The following TUBGCP4 variants were observed in gnomAD, a reference collection of about 807,000 sequenced individuals.
TUBGCP4 encodes gamma-tubulin complex component 4.
TUBGCP4 carries 54 observed loss-of-function variants against 91.6 expected under a neutral mutation model. That is an observed-to-expected ratio of 0.59 (90% CI 0.47 to 0.74). TUBGCP4 has a LOEUF of 0.74. Ranked by LOEUF, TUBGCP4 falls within the 30% of genes least tolerant of loss-of-function variation. The probability of loss-of-function intolerance (pLI) is 0.00; values close to 1 mark genes in which losing one functional copy is unlikely to be tolerated. For missense variants in TUBGCP4, 593 were observed against 800.9 expected (o/e 0.74, Z 3.13); for synonymous variants, 297 against 302.8 (o/e 0.98, Z 0.20).
At position 43,376,103 on chromosome 15, in the gene TUBGCP4, G is replaced by A. The variant is rs755825530; in HGVS notation, c.84G>A (p.Ser28=). ...TWNKRSGLQV[S]QDFPFLHPSE... is the part of the protein sequence containing the mutation. Reference sequence around the variant, plus strand: ...CAGTGTTCCTCTTCCTGCAGGTATCGCAGGACTTCCCTTTCCTCCACCCCA... The same window carrying A: ...CAGTGTTCCTCTTCCTGCAGGTATCACAGGACTTCCCTTTCCTCCACCCCA... Residue 28 remains serine, a synonymous_variant, in exon 2 of 18, where the codon TCG becomes TCA. Transcript: ENST00000564079. 1.9e-6 allele frequency: 3 copies of A among 1,613,714 alleles called. No homozygotes were observed. The highest frequency in any genetic ancestry group is 1.6e-4 in the Middle Eastern group (1 of 6,084).
chr15:43,398,178 AAGTG>A lies in TUBGCP4; in HGVS notation c.1418+3_1418+6del, dbSNP rs1407078480. 1 of 1,609,632 alleles carries A rather than the reference AAGTG, an allele frequency of 6.2e-7. No homozygotes were observed. The highest frequency in any genetic ancestry group is 1.1e-5 in the South Asian group (1 of 90,530). ...TCTCTTCACCCCAGCTGTCCTGGAA[AAGTG>A]AGTATTTCTGAGTTTCTCACAGGTA... On this transcript the variant is annotated splice_donor_variant and splice_donor_region_variant and coding_sequence_variant and intron_variant, in exon 13 of 18. Coordinates refer to ENST00000564079, the MANE Select transcript of TUBGCP4 (RefSeq NM_014444.5). LOFTEE classifies it high-confidence loss of function.
At position 43,409,704 on chromosome 15, in the gene TUBGCP4, T is replaced by C. The variant is rs1595517639; in HGVS notation, c.*4490T>C. 6.4e-7 allele frequency: 1 copy of C among 1,574,120 alleles called. No homozygotes were observed. ...CAGCTCCTGCTCGAAGCTGGGATTC[T>C]GTATACTGCTTGTTGAAAGGAGGAA... is the stretch of plus-strand genomic sequence containing the variant. On this transcript the variant is annotated 3_prime_UTR_variant, in exon 18 of 18. Coordinates refer to ENST00000564079, the MANE Select transcript of TUBGCP4 (RefSeq NM_014444.5).
intron 9 of TUBGCP4, among the ~76,000 whole-genome samples, chr15:43,393,724 G>A (rs2044527876): frequency 2.0e-5 from 3 of 152,066 alleles, no homozygotes; most frequent in Non-Finnish European, 4.4e-5. Flanking sequence ...GTGAGAGTTT[G>A]CTGAGAATGA....
chr15:43,388,840 G>A (rs537843555), intron 9 of TUBGCP4, among the ~76,000 whole-genome samples: 1 of 152,298 alleles, frequency 6.6e-6, no homozygotes, highest in South Asian at 2.1e-4. Context: ...TGCCCTGAAG[G>A]AAAAGGGGGG....
intron 5 of TUBGCP4, 99 bp from the exon 6 acceptor site, chr15:43,379,985 C>A: frequency 8.7e-7 from 1 of 1,153,338 alleles, no homozygotes; most frequent in Non-Finnish European, 1.3e-6. Context: ...TCCCCAGTCT[C>A]TCCTAGATTG....
intron 10 of TUBGCP4, 67 bp from the exon 11 acceptor site, chr15:43,395,516 A>G: frequency 8.7e-7 from 1 of 1,145,646 alleles, no homozygotes; most frequent in East Asian, 2.3e-5. Context: ...TATACATGTA[A>G]TTCCTCAGGA....
Position 43,403,732 on chromosome 15 carries a change from C to T in TUBGCP4, c.1781C>T (p.Ser594Leu), listed in dbSNP as rs149549954. The change falls in exon 16 of 18, where the codon TCG becomes TTG. Residue 594 changes from serine (S) to leucine (L), a missense_variant. Physicochemically the swap from Ser to Leu is moderately radical, Grantham distance 145 (BLOSUM62 -2). Transcript: ENST00000564079. ...CTAGATCTCTGTCACAGTTTTTGTT[C>T]GCTGGTCAGTCAGAACCTAGGCCCA... ...EILDLCHSFCSLVSQNLGPLD... is the reference protein window; with the variant it reads ...EILDLCHSFCLLVSQNLGPLD... The T allele has an allele frequency of 1.2e-4, 195 of 1,613,408 alleles. 1 individual carries two copies. The African/African-American group carries it at 2.3e-3, about 19-fold the overall frequency.
rs2044926240 is a variant in TUBGCP4 at position 43,407,122 on chromosome 15, G to A, written c.*1908G>A. ...TTCCTTGGCCAGCTGTCCTCCGTAA[G>A]TGAATAAGCCTGTTGAAAGACTCAG... On this transcript the variant is annotated 3_prime_UTR_variant, in exon 18 of 18. Transcript: ENST00000564079. The A allele has an allele frequency of 2.6e-6, 1 of 389,896 alleles. No individual in the cohort carries two copies. The allele number at this position is 389,896 out of a possible 1,614,324, so 24.2% of individuals were successfully genotyped here. A position where few individuals can be genotyped will look rare whatever the true frequency, so the allele number is the denominator to read the frequency against.
intron 13 of TUBGCP4, among the ~76,000 whole-genome samples, chr15:43,399,759 T>A (rs908806955): frequency 1.3e-5 from 2 of 152,216 alleles, no homozygotes; most frequent in African/African-American, 4.8e-5. Context: ...TCAAAAAGAT[T>A]ATAAGGGTAT....
intron 1 of TUBGCP4, among the ~76,000 whole-genome samples, chr15:43,372,924 T>C (rs1047706512): frequency 1.3e-5 from 2 of 152,224 alleles, no homozygotes; most frequent in Admixed American, 6.5e-5. Context: ...AGTGGTCTTC[T>C]TCATTCATCT....
At position 43,380,030 on chromosome 15, in the gene TUBGCP4, C is replaced by T; in HGVS notation, c.442-54C>T. On this transcript the variant is annotated intron_variant, in intron 5 of 17. Transcript: ENST00000564079. ...GGTTGAATATGGAATAAGAATGTGT[C>T]TTGCATGGACTCTTAGAATGGAATC... The T allele has an allele frequency of 1.9e-6, 3 of 1,547,288 alleles. No individual in the cohort carries two copies. The East Asian group carries it at 6.7e-5, about 35-fold the overall frequency.
At chr15:43,381,580 TA>T (rs889037042) in intron 6 of TUBGCP4, among the ~76,000 whole-genome samples, 3 of 151,446 alleles carry the variant, frequency 2.0e-5, no homozygotes, top group Non-Finnish European at 4.4e-5. Flanking sequence ...GTACCAAAAA[TA>T]AAAAAATTAG....
In TUBGCP4 at chr15:43,371,749, A is replaced by G. The variant is rs2044126954; in HGVS notation, c.78+317A>G. On this transcript the variant is annotated intron_variant, in intron 1 of 17. Coordinates refer to ENST00000564079, the MANE Select transcript of TUBGCP4 (RefSeq NM_014444.5). ...GTGTGGGAGGCACTTTCTCCTATTT[A>G]TTTTCACACGTGCATTGTTTGAGTT... 3.9e-5 allele frequency among the ~76,000 whole-genome samples: 6 copies of G among 152,134 alleles called. No individual in the cohort carries two copies. In the South Asian group the frequency reaches 1.2e-3, roughly 32 times the overall value.
chr15:43,396,349 C>G (rs963408713), intron 11 of TUBGCP4, among the ~76,000 whole-genome samples: 2 of 152,214 alleles, frequency 1.3e-5, no homozygotes, highest in Non-Finnish European at 2.9e-5. Flanking sequence ...AGAGGTCAGA[C>G]ACTAGGCTAT....
At chr15:43,382,215 AAAAAAAG>A (rs910235654) in intron 6 of TUBGCP4, among the ~76,000 whole-genome samples, 3 of 144,722 alleles carry the variant, frequency 2.1e-5, no homozygotes, top group Non-Finnish European at 3.0e-5. Flanking sequence ...CTGTCTCAAA[AAAAAAAG>A]AAAAAAGAAA....
intron 1 of TUBGCP4, among the ~76,000 whole-genome samples, chr15:43,375,033 G>A (rs1265184076): frequency 6.6e-6 from 1 of 152,206 alleles, no homozygotes; most frequent in African/African-American, 2.4e-5. Context: ...CTCCCAAGTA[G>A]CTGGCATTAC....
At chr15:43,385,473 T>A in intron 7 of TUBGCP4, 1 of 456,528 alleles carries the variant, frequency 2.2e-6, no homozygotes, top group Admixed American at 2.9e-5. Context: ...AGAGAAGACC[T>A]GGAAAACAAA....
Position 43,383,416 on chromosome 15 carries a change from G to C in TUBGCP4, c.635G>C (p.Gly212Ala). 6.2e-7 allele frequency: 1 copy of C among 1,614,136 alleles called. No homozygotes were observed. Among genetic ancestry groups the C allele is most frequent in the Non-Finnish European group, 8.5e-7 (1 of 1,180,014 alleles). The change falls in exon 7 of 18, where the codon GGT (glycine) becomes GCT (alanine). Residue 212 changes from glycine to alanine, a missense_variant. Gly to Ala is a moderately conservative substitution (Grantham distance 60). Coordinates refer to ENST00000564079, the MANE Select transcript of TUBGCP4 (RefSeq NM_014444.5). ...EFFIKQGPSS[G>A]NVSAQPEEDE... ...TTTATCAAACAGGGGCCATCTTCTG[G>C]TAATGTCAGTGCCCAGCCAGAAGAG...
Position 43,407,790 on chromosome 15 carries a change from T to C in TUBGCP4, c.*2576T>C, listed in dbSNP as rs1402845611. 1.7e-5 allele frequency: 14 copies of C among 840,956 alleles called. No homozygotes were observed. Among genetic ancestry groups the C allele is most frequent in the Middle Eastern group, 2.6e-4 (1 of 3,900 alleles). 52.1% of individuals were successfully genotyped at this position (840,956 alleles called of 1,614,324 possible). On this transcript the variant is annotated 3_prime_UTR_variant, in exon 18 of 18. Transcript: ENST00000564079. Reference sequence around the variant, plus strand: ...AAATATACGTCCAGTGCTTCACTTATGTTGACTCACCTCTTGAAGGTGGTA... The same window carrying C: ...AAATATACGTCCAGTGCTTCACTTACGTTGACTCACCTCTTGAAGGTGGTA...
Sources: gnomAD v4.1 joint callset for allele counts (sites outside exome capture counted in the v4.1 genomes callset) on GRCh38, gnomAD v4.1.1 for gene constraint, MANE v1.5 for transcripts, NCBI Gene and HGNC (gene_info 2026-07-23, HGNC 2026-07-21) for gene names.